CFTR: variants seen among roughly 807,000 people sequenced by gnomAD.
The protein encoded by CFTR is cystic fibrosis transmembrane conductance regulator.
Under a neutral mutation model 171.6 loss-of-function variants are expected in CFTR, and 181 were observed. That is an observed-to-expected ratio of 1.05 (90% CI 0.93 to 1.19). The LOEUF is 1.19. Ranked by LOEUF, CFTR falls within the 50% of genes most tolerant of loss-of-function variation. The pLI, the probability that CFTR is intolerant of heterozygous loss-of-function variation, is 0.00. For missense variants in CFTR, 1,968 were observed against 1,734.7 expected, an observed-to-expected ratio of 1.13 and a Z score of -2.39; for synonymous variants, 583 against 608.0, an observed-to-expected ratio of 0.96 and a Z score of 0.60.
chr7:117,503,981 C>T (rs775132225), intron 1 of CFTR, among the ~76,000 whole-genome samples: 1 of 152,102 alleles, frequency 6.6e-6, no homozygotes, highest in South Asian at 2.1e-4. Flanking sequence ...GAATGTTTAG[C>T]AGTTTGTTTT....
At chr7:117,653,066 T>C (rs1793112585) in intron 24 of CFTR, 135 bp downstream of exon 24, 1 of 699,918 alleles carries the variant, frequency 1.4e-6, no homozygotes, top group African/African-American at 1.8e-5. Context: ...TACCCTAACA[T>C]ACCTGGAGCA....
At chr7:117,510,046 T>A (rs1469009597) in intron 3 of CFTR, among the ~76,000 whole-genome samples, 1 of 152,166 alleles carries the variant, frequency 6.6e-6, no homozygotes, top group Non-Finnish European at 1.5e-5. Flanking sequence ...CATTTAAAAC[T>A]TATCTTAACA....
rs375325315 is a variant in CFTR at position 117,590,364 on chromosome 7, A to G, written c.1691A>G (p.Lys564Arg). ...ARISLARAVY[K>R]DADLYLLDSP... Reference sequence around the variant, plus strand: ...CATTTTCTTTTTAGAGCAGTATACAAAGATGCTGATTTGTATTTATTAGAC... The same window carrying G: ...CATTTTCTTTTTAGAGCAGTATACAGAGATGCTGATTTGTATTTATTAGAC... The change falls in exon 13 of 27, where the codon AAA becomes AGA. Residue 564 changes from lysine to arginine, a missense_variant. By Grantham distance (26) the Lys-to-Arg change is conservative (BLOSUM62 2). Coordinates refer to ENST00000003084, the MANE Select transcript of CFTR (RefSeq NM_000492.4). 1.0e-5 allele frequency: 16 copies of G among 1,603,280 alleles called. No homozygotes were observed. In the Middle Eastern group the frequency reaches 5.0e-4, roughly 50 times the overall value.
At position 117,648,632 on chromosome 7, in the gene CFTR, G is replaced by A. The variant is rs1227533184; in HGVS notation, c.3874-4210G>A. 2.6e-5 allele frequency among the ~76,000 whole-genome samples: 4 copies of A among 152,206 alleles called. No individual in the cohort carries two copies. In the South Asian group the frequency reaches 8.3e-4, roughly 32 times the overall value. ...TATATTTTTGCTGCACAGTCAGTCC[G>A]AGTGTACCACGTAGGGCAAACCACG... On this transcript the variant is annotated intron_variant, in intron 23 of 26. Coordinates refer to ENST00000003084, the MANE Select transcript of CFTR (RefSeq NM_000492.4).
rs758717643 is a variant in CFTR at position 117,611,537 on chromosome 7, G to A, written c.3140-44G>A. On this transcript the variant is annotated intron_variant, in intron 19 of 26. Transcript: ENST00000003084. ...ACAAGATATTATGAAATTACATTTT[G>A]TGTTTATGTTATTTGCAATGTTTTC... The A allele has an allele frequency of 7.4e-6, 8 of 1,084,102 alleles. No individual in the cohort carries two copies. The South Asian group carries it at 1.0e-4, about 14-fold the overall frequency. 67.2% of individuals were successfully genotyped at this position (1,084,102 alleles called of 1,614,324 possible). A position where few individuals can be genotyped will look rare whatever the true frequency, so the allele number is the denominator to read the frequency against.
intron 15 of CFTR, among the ~76,000 whole-genome samples, chr7:117,597,575 C>G (rs1187988759): frequency 6.6e-6 from 1 of 152,178 alleles, no homozygotes; most frequent in Admixed American, 6.5e-5. Flanking sequence ...TTCTCTTATT[C>G]AAAAGGTTGG....
intron 24 of CFTR, among the ~76,000 whole-genome samples, chr7:117,662,989 G>A (rs1477225886): frequency 2.0e-5 from 3 of 152,122 alleles, no homozygotes; most frequent in East Asian, 3.9e-4. Context: ...GCCATAGAGT[G>A]TGTGGTTTCT....
At chr7:117,612,040 T>C (rs1045758846) in intron 20 of CFTR, among the ~76,000 whole-genome samples, 3 of 75,008 alleles carry the variant, frequency 4.0e-5, no homozygotes, top group Non-Finnish European at 8.3e-5. Flanking sequence ...TATATATATA[T>C]ATATATATAT....
intron 9 of CFTR, among the ~76,000 whole-genome samples, chr7:117,546,323 CAG>C (rs1799146664): frequency 6.6e-6 from 1 of 151,940 alleles, no homozygotes; most frequent in African/African-American, 2.4e-5. Flanking sequence ...TTTGTAGAGA[CAG>C]GGTCTCACTA....
chr7:117,509,529 T>C lies in CFTR; in HGVS notation c.273+387T>C, dbSNP rs1189276597. On this transcript the variant is annotated intron_variant, in intron 3 of 26. Transcript: ENST00000003084. ...TAGGTCAAATGCAGCTAATTACATA[T>C]ATGAATGTTTGTAATATTTTGAAAT... Among the ~76,000 whole-genome samples the C allele has an allele frequency of 2.0e-5, 3 of 152,300 alleles. No homozygotes were observed. The East Asian group carries it at 5.8e-4, about 29-fold the overall frequency.
intron 1 of CFTR, among the ~76,000 whole-genome samples, chr7:117,482,652 A>G (rs553354672): frequency 6.6e-6 from 1 of 152,330 alleles, no homozygotes; most frequent in East Asian, 1.9e-4. Flanking sequence ...TTTATAATTC[A>G]TATACAAGTG....
chr7:117,558,065 T>A (rs185539075), intron 10 of CFTR, among the ~76,000 whole-genome samples: 19 of 152,026 alleles, frequency 1.2e-4, no homozygotes, highest in Admixed American at 5.9e-4. Context: ...TCCTTTTGAT[T>A]TTTTTTTACT....
chr7:117,616,618 A>G (rs1792496331), intron 21 of CFTR, among the ~76,000 whole-genome samples: 1 of 152,070 alleles, frequency 6.6e-6, no homozygotes, highest in Admixed American at 6.6e-5. Flanking sequence ...AAGTTTCTGT[A>G]AGGTATTTTC....
intron 22 of CFTR, among the ~76,000 whole-genome samples, chr7:117,632,348 G>A (rs1052555421): frequency 6.6e-6 from 1 of 152,028 alleles, no homozygotes; most frequent in Admixed American, 6.6e-5. Context: ...AGGATCACTT[G>A]AGCCCTGGAG....
At position 117,509,057 on chromosome 7, in the gene CFTR, C is replaced by G; in HGVS notation, c.188C>G (p.Ser63Ter). Residue 63 changes from serine (S) to a stop codon, truncating the protein, a stop_gained, in exon 3 of 27, where the codon TCA becomes TGA. Transcript: ENST00000003084. LOFTEE classifies it high-confidence loss of function. ...LEREWDRELA[S>*]KKNPKLINAL... is the part of the protein sequence containing the mutation. ...AGAGAATGGGATAGAGAGCTGGCTT[C>G]AAAGAAAAATCCTAAACTCATTAAT... The G allele has an allele frequency of 6.2e-7, 1 of 1,611,854 alleles. No individual in the cohort carries two copies.
At chr7:117,505,660 A>G (rs779755863) in intron 2 of CFTR, among the ~76,000 whole-genome samples, 1 of 152,198 alleles carries the variant, frequency 6.6e-6, no homozygotes, top group Non-Finnish European at 1.5e-5. Context: ...ATAGTCTAGA[A>G]TGAACTAGGC....
intron 21 of CFTR, among the ~76,000 whole-genome samples, chr7:117,621,080 G>A (rs1333941061): frequency 6.6e-6 from 1 of 152,144 alleles, no homozygotes; most frequent in Admixed American, 6.5e-5. Flanking sequence ...CCAGCCTGGT[G>A]ACAGGGTGAG....
intron 14 of CFTR, among the ~76,000 whole-genome samples, chr7:117,594,065 T>C (rs1792081563): frequency 6.6e-6 from 1 of 152,226 alleles, no homozygotes; most frequent in African/African-American, 2.4e-5. Context: ...ACAACTACCC[T>C]GGAAGGTATT....
intron 20 of CFTR, among the ~76,000 whole-genome samples, chr7:117,613,309 C>T (rs752733739): frequency 9.2e-5 from 14 of 152,098 alleles, no homozygotes; most frequent in Admixed American, 8.5e-4. Context: ...AAACATTTAA[C>T]AATCATTATA....
Sources: allele counts gnomAD v4.1 joint callset (sites outside exome capture counted in the v4.1 genomes callset), GRCh38; gene constraint gnomAD v4.1.1; transcripts MANE v1.5; gene names NCBI Gene and HGNC (gene_info 2026-07-23, HGNC 2026-07-21).